Variants in ATP11B observed in about 807,000 individuals in gnomAD.
ATP11B encodes the protein ATPase phospholipid transporting 11B (putative).
ATP11B carries 81 observed loss-of-function variants against 157.8 expected under a neutral mutation model. The ratio of observed to expected loss-of-function variants is 0.51; its 90% CI spans 0.43 to 0.62. The LOEUF is 0.62. Among genes scored for constraint, ATP11B ranks in the 20% least tolerant of loss-of-function variants. The probability of loss-of-function intolerance (pLI) is 0.00; values close to 1 mark genes in which losing one functional copy is unlikely to be tolerated. For missense variants in ATP11B, 1,165 were observed against 1,402.2 expected (o/e 0.83, Z 2.70); for synonymous variants, 451 against 469.4 (o/e 0.96, Z 0.51).
At chr3:182,799,317 C>T (rs1715829699) in intron 1 of ATP11B, among the ~76,000 whole-genome samples, 1 of 148,296 alleles carries the variant, frequency 6.7e-6, no homozygotes, top group Non-Finnish European at 1.5e-5. Flanking sequence ...TTCGCTCTTT[C>T]GCCCAGGCGG....
intron 12 of ATP11B, among the ~76,000 whole-genome samples, chr3:182,862,689 C>T (rs946293296): frequency 2.0e-5 from 3 of 152,144 alleles, no homozygotes; most frequent in African/African-American, 7.2e-5. Flanking sequence ...GTTTTCTCAT[C>T]ACTTGGGTTT....
At chr3:182,822,860 G>C (rs1291458509) in intron 2 of ATP11B, among the ~76,000 whole-genome samples, 1 of 152,146 alleles carries the variant, frequency 6.6e-6, no homozygotes, top group Non-Finnish European at 1.5e-5. Context: ...GCATTTCTCT[G>C]ATGGCCAGTG....
Position 182,793,574 on chromosome 3 carries a change from C to G in ATP11B, c.-186C>G. 1 of 373,772 alleles carries G rather than the reference C, an allele frequency of 2.7e-6. No individual in the cohort carries two copies. 23.2% of individuals were successfully genotyped at this position (373,772 alleles called of 1,614,324 possible). A position where few individuals can be genotyped will look rare whatever the true frequency, so the allele number is the denominator to read the frequency against. ...GGCGGGGGCGGCGCCGGGGCCGCGC[C>G]TGTAGGACTCGGGGCCGACGCCGCG... On this transcript the variant is annotated 5_prime_UTR_variant, in exon 1 of 30. Coordinates refer to ENST00000323116, the MANE Select transcript of ATP11B (RefSeq NM_014616.3).
intron 21 of ATP11B, among the ~76,000 whole-genome samples, chr3:182,882,014 T>C (rs183875310): frequency 9.2e-5 from 14 of 152,310 alleles, no homozygotes; most frequent in South Asian, 8.3e-4. Flanking sequence ...AATTTATTAA[T>C]CCTTTCCTTT....
chr3:182,846,383 ACGTTGCAGCTG>A lies in ATP11B; in HGVS notation c.769+863_769+873del, dbSNP rs563164890. Among the ~76,000 whole-genome samples the A allele has an allele frequency of 6.2e-3, 945 of 152,290 alleles. 6 individuals carry two copies. Among genetic ancestry groups the A allele is most frequent in the African/African-American group, 0.021 (867 of 41,568 alleles). On this transcript the variant is annotated intron_variant, in intron 9 of 29. Transcript: ENST00000323116. Reference sequence around the variant, plus strand: ...TGTACATTGCTGATGGGAATGTAAAACGTTGCAGCTGCTGCCTTGAAAAATAGTTTTGGCAG... The same window carrying A: ...TGTACATTGCTGATGGGAATGTAAAACTGCCTTGAAAAATAGTTTTGGCAG...
intron 29 of ATP11B, chr3:182,914,379 A>C (rs1359795832): frequency 2.0e-6 from 2 of 986,914 alleles, no homozygotes; most frequent in Non-Finnish European, 2.4e-6. Context: ...TTGTCTTTAC[A>C]AAATAATCTC....
At chr3:182,806,364 G>C (rs1352572494) in intron 1 of ATP11B, among the ~76,000 whole-genome samples, 1 of 151,968 alleles carries the variant, frequency 6.6e-6, no homozygotes, top group Non-Finnish European at 1.5e-5. Flanking sequence ...TTCCTGCTCT[G>C]CATTTGCGTG....
At position 182,889,561 on chromosome 3, in the gene ATP11B, G is replaced by GT. The variant is rs548439925; in HGVS notation, c.2982+20dup. On this transcript the variant is annotated intron_variant, in intron 25 of 29. Transcript: ENST00000323116. ...TGGAAATGGCCAGGTAAAGTATATA[G>GT]TTTTTTTAAAGAATGCTTGTTAATA... 2.6e-4 allele frequency: 392 copies of GT among 1,522,574 alleles called. No homozygotes were observed. The highest frequency in any genetic ancestry group is 2.5e-3 in the African/African-American group (171 of 68,650). 94.3% of individuals were successfully genotyped at this position (1,522,574 alleles called of 1,614,324 possible). A position where few individuals can be genotyped will look rare whatever the true frequency, so the allele number is the denominator to read the frequency against.
chr3:182,881,419 C>T (rs1047638659), intron 21 of ATP11B, among the ~76,000 whole-genome samples: 1 of 150,784 alleles, frequency 6.6e-6, no homozygotes, highest in Non-Finnish European at 1.5e-5. Flanking sequence ...ACCCAGGAGG[C>T]AGAGGTTGCA....
At chr3:182,899,619 TAAG>T (rs1723812999) in intron 28 of ATP11B, among the ~76,000 whole-genome samples, 1 of 152,178 alleles carries the variant, frequency 6.6e-6, no homozygotes, top group Non-Finnish European at 1.5e-5. Flanking sequence ...ACATAGTGCT[TAAG>T]AATCTTTGGG....
At chr3:182,887,838 G>A in intron 24 of ATP11B, 125 bp downstream of exon 24, 1 of 999,206 alleles carries the variant, frequency 1.0e-6, no homozygotes, top group Non-Finnish European at 1.4e-6. Context: ...ATGATTTACA[G>A]TTGTTGAATA....
chr3:182,793,548 G>T lies in ATP11B; in HGVS notation c.-212G>T. 2.8e-6 allele frequency: 1 copy of T among 360,132 alleles called. No individual in the cohort carries two copies. The allele number at this position is 360,132 out of a possible 1,614,324, so 22.3% of individuals were successfully genotyped here. ...GCGCGGCGGCAGGCTCAGCTGCGCC[G>T]GGCGGGGGCGGCGCCGGGGCCGCGC... On this transcript the variant is annotated 5_prime_UTR_variant, in exon 1 of 30. Transcript: ENST00000323116.
intron 29 of ATP11B, chr3:182,916,296 T>C: frequency 7.1e-6 from 7 of 985,350 alleles, no homozygotes; most frequent in Non-Finnish European, 8.4e-6. Context: ...AGACTGCCAT[T>C]CCAAGATGTA....
chr3:182,858,764 T>C (rs1486645234), intron 11 of ATP11B, among the ~76,000 whole-genome samples: 1 of 152,216 alleles, frequency 6.6e-6, no homozygotes, highest in Non-Finnish European at 1.5e-5. Flanking sequence ...TTTATAACTT[T>C]GTAAAGTTAC....
chr3:182,915,695 G>A (rs967588255), intron 29 of ATP11B: 52 of 982,754 alleles, frequency 5.3e-5, no homozygotes, highest in Admixed American at 6.2e-5. Context: ...TCTTGATATC[G>A]ATTATGGTAA....
rs745449813 is a variant in ATP11B at position 182,836,471 on chromosome 3, G to C, written c.552+1G>C. Reference sequence around the variant, plus strand: ...TTTGGACGGAGAAACTAACCTGAAGGTTTGCTTGCATATGTTTGAGTATTG... The same window carrying C: ...TTTGGACGGAGAAACTAACCTGAAGCTTTGCTTGCATATGTTTGAGTATTG... On this transcript the variant is annotated splice_donor_variant, in intron 6 of 29. Coordinates refer to ENST00000323116, the MANE Select transcript of ATP11B (RefSeq NM_014616.3). LOFTEE classifies it high-confidence loss of function. 3.7e-6 allele frequency: 6 copies of C among 1,613,720 alleles called. No individual in the cohort carries two copies. The highest frequency in any genetic ancestry group is 4.2e-6 in the Non-Finnish European group (5 of 1,179,842).
chr3:182,866,235 T>C lies in ATP11B; in HGVS notation c.1444-33T>C, dbSNP rs374563253. The C allele has an allele frequency of 2.7e-6, 4 of 1,464,748 alleles. No homozygotes were observed. The African/African-American group carries it at 5.8e-5, about 21-fold the overall frequency. 90.7% of individuals were successfully genotyped at this position (1,464,748 alleles called of 1,614,324 possible). On this transcript the variant is annotated intron_variant, in intron 13 of 29. Transcript: ENST00000323116. The stretch of plus-strand genomic sequence containing the variant: ...TCCTAAATGGTATGTGGAAATGATA[T>C]TTTTATCATGAATATTAATTACATT...
rs1463309263 is a variant in ATP11B, at chr3:182,857,877, G to T, written c.852-1G>T. Reference sequence around the variant, plus strand: ...TTTATATTCTCTTTTTCTTCCTTAAGGTCAATGAATACATTTTTGATAATT... The same window carrying T: ...TTTATATTCTCTTTTTCTTCCTTAATGTCAATGAATACATTTTTGATAATT... On this transcript the variant is annotated splice_acceptor_variant, in intron 10 of 29. Coordinates refer to ENST00000323116, the MANE Select transcript of ATP11B (RefSeq NM_014616.3). LOFTEE classifies it high-confidence loss of function. The T allele has an allele frequency of 7.4e-6, 11 of 1,485,034 alleles. No individual in the cohort carries two copies. The highest frequency in any genetic ancestry group is 2.8e-5 in the African/African-American group (2 of 72,232). The allele number at this position is 1,485,034 out of a possible 1,614,324, so 92.0% of individuals were successfully genotyped here.
At chr3:182,813,443 A>C (rs558365945) in intron 1 of ATP11B, among the ~76,000 whole-genome samples, 2 of 152,190 alleles carry the variant, frequency 1.3e-5, no homozygotes, top group Admixed American at 6.5e-5. Context: ...TTGTTAATGG[A>C]TGTGAAGTGT....
Sources: gnomAD v4.1 joint callset for allele counts (sites outside exome capture counted in the v4.1 genomes callset) on GRCh38, gnomAD v4.1.1 for gene constraint, MANE v1.5 for transcripts, NCBI Gene and HGNC (gene_info 2026-07-23, HGNC 2026-07-21) for gene names.